The following RASGRF1 variants were observed in gnomAD, a reference collection of about 807,000 sequenced individuals.
RASGRF1 encodes Ras protein specific guanine nucleotide releasing factor 1.
A neutral mutation model predicts 138.7 loss-of-function variants in RASGRF1; 40 were observed. That is an observed-to-expected ratio of 0.29 (90% CI 0.22 to 0.38). RASGRF1 has a LOEUF of 0.38. RASGRF1 is among the 10% of genes least tolerant of loss of function. The pLI, the probability that RASGRF1 is intolerant of heterozygous loss-of-function variation, is 1.00. For missense variants in RASGRF1, 1,108 were observed against 1,650.4 expected (o/e 0.67, Z 5.69); for synonymous variants, 614 against 663.2 (o/e 0.93, Z 1.14).
intron 13 of RASGRF1, among the ~76,000 whole-genome samples, chr15:79,013,601 G>A (rs1271194524): frequency 6.6e-6 from 1 of 152,246 alleles, no homozygotes; most frequent in African/African-American, 2.4e-5. Flanking sequence ...TCTGGCAACA[G>A]CAACATGGCC....
At chr15:79,068,390 G>A (rs2141071636) in intron 1 of RASGRF1, among the ~76,000 whole-genome samples, 1 of 151,798 alleles carries the variant, frequency 6.6e-6, no homozygotes, top group Admixed American at 6.6e-5. Context: ...GGGCAACTAA[G>A]TCTCTTCCTC....
intron 11 of RASGRF1, among the ~76,000 whole-genome samples, chr15:79,018,492 T>C (rs565189735): frequency 1.3e-5 from 2 of 152,374 alleles, no homozygotes; most frequent in African/African-American, 2.4e-5. Flanking sequence ...TTCAAGATTC[T>C]TTTCAATGCA....
intron 1 of RASGRF1, among the ~76,000 whole-genome samples, chr15:79,069,190 T>C (rs2057721961): frequency 6.6e-6 from 1 of 152,204 alleles, no homozygotes; most frequent in Admixed American, 6.5e-5. Flanking sequence ...TGGATGCTGA[T>C]GAATAGCTGA....
chr15:78,969,473 A>G (rs2055707893), intron 26 of RASGRF1, among the ~76,000 whole-genome samples: 1 of 152,168 alleles, frequency 6.6e-6, no homozygotes, highest in African/African-American at 2.4e-5. Context: ...GTTTGAGACC[A>G]GCCTGACCAA....
At chr15:78,988,362 T>C (rs1226612825) in intron 22 of RASGRF1, among the ~76,000 whole-genome samples, 1 of 152,250 alleles carries the variant, frequency 6.6e-6, no homozygotes, top group Non-Finnish European at 1.5e-5. Context: ...AGTGATTTGT[T>C]GCCTGGTGCT....
In RASGRF1 at chr15:78,973,371, C is replaced by A. The variant is rs778796720; in HGVS notation, c.3544G>T (p.Ala1182Ser). Residue 1182 changes from alanine to serine, a missense_variant, in exon 25 of 27, where the codon GCC (alanine) becomes TCC (serine). This residue lies in a region of RASGRF1 where 686 missense variants were observed against 976.7 expected (regional missense o/e 0.70). Transcript: ENST00000558480. This position sits in a 1 kb window ranked among gnomAD's most constrained non-coding sequence, Gnocchi z 4.9. ...PYLGMYLTDLAFIEEGTPNYT... is the reference protein window; with the variant it reads ...PYLGMYLTDLSFIEEGTPNYT... ...TTGGGCGTCCCCTCCTCGATGAAGG[C>A]CAGGTCGGTGAGGTACATCCCCAGG... The A allele has an allele frequency of 6.2e-7, 1 of 1,613,958 alleles. No homozygotes were observed. The highest frequency in any genetic ancestry group is 2.2e-5 in the East Asian group (1 of 44,862).
rs1227562517 is a variant in RASGRF1 at position 78,973,499 on chromosome 15, A to C, written c.3495-79T>G. Reference sequence around the variant, plus strand: ...ACCAAGAACAGAACATCCCGCATGCACCTTTTGCTTTGCTAGAGGCAAAGG... The same window carrying C: ...ACCAAGAACAGAACATCCCGCATGCCCCTTTTGCTTTGCTAGAGGCAAAGG... On this transcript the variant is annotated intron_variant, in intron 24 of 26. Coordinates refer to ENST00000558480, the MANE Select transcript of RASGRF1 (RefSeq NM_001145648.3). The surrounding 1 kb of genome is among the most constrained non-coding windows in gnomAD (Gnocchi z 4.9). The C allele has an allele frequency of 1.8e-5, 20 of 1,093,344 alleles. No homozygotes were observed. Among genetic ancestry groups the C allele is most frequent in the Non-Finnish European group, 2.2e-5 (16 of 733,060 alleles). The allele number at this position is 1,093,344 out of a possible 1,614,324, so 67.7% of individuals were successfully genotyped here.
At chr15:79,043,124 T>C (rs2057317308) in intron 5 of RASGRF1, among the ~76,000 whole-genome samples, 1 of 152,170 alleles carries the variant, frequency 6.6e-6, no homozygotes, top group Non-Finnish European at 1.5e-5. Context: ...AACCACCAGG[T>C]CTTCTCACTT....
At chr15:79,020,223 G>A in intron 10 of RASGRF1, 119 bp from the exon 11 acceptor site, 1 of 890,634 alleles carries the variant, frequency 1.1e-6, no homozygotes, top group Non-Finnish European at 1.8e-6. Context: ...ACACACAGAT[G>A]TATGGATGGA....
At chr15:79,029,776 T>C (rs1433228170) in intron 8 of RASGRF1, among the ~76,000 whole-genome samples, 2 of 152,044 alleles carry the variant, frequency 1.3e-5, no homozygotes, top group Non-Finnish European at 2.9e-5. Flanking sequence ...TCTGTGCCAC[T>C]TGGGCTGGGT....
chr15:78,994,889 C>G (rs2056356255), intron 20 of RASGRF1, among the ~76,000 whole-genome samples: 1 of 151,176 alleles, frequency 6.6e-6, no homozygotes, highest in Admixed American at 6.6e-5. Context: ...TGGGGCCTCC[C>G]CTTGAGGCTT....
At chr15:78,978,809 C>A (rs1053841629) in intron 24 of RASGRF1, 1 of 1,151,098 alleles carries the variant, frequency 8.7e-7, no homozygotes, top group African/African-American at 1.6e-5. Context: ...TCTGTGTGCC[C>A]TGCCTATGTC....
chr15:79,049,395 G>A (rs569304065), intron 4 of RASGRF1, 101 bp downstream of exon 4: 27 of 1,092,758 alleles, frequency 2.5e-5, no homozygotes, highest in African/African-American at 1.4e-4. Context: ...TGGGGGGCAC[G>A]CTCTGAGGAC....
intron 1 of RASGRF1, among the ~76,000 whole-genome samples, chr15:79,072,911 C>G (rs1172649196): frequency 6.6e-6 from 1 of 152,220 alleles, no homozygotes. Flanking sequence ...AGACTCACAA[C>G]ACACGAGCCT....
chr15:79,081,039 C>T (rs1004054262), intron 1 of RASGRF1, among the ~76,000 whole-genome samples: 6 of 152,188 alleles, frequency 3.9e-5, no homozygotes, highest in South Asian at 2.1e-4. Context: ...AAATGCTAAT[C>T]GTGAAAAAGA....
intron 3 of RASGRF1, among the ~76,000 whole-genome samples, chr15:79,053,775 G>A (rs2057467040): frequency 6.6e-6 from 1 of 152,234 alleles, no homozygotes. Context: ...TCATGGATGT[G>A]TGGCCTGCGC....
intron 13 of RASGRF1, among the ~76,000 whole-genome samples, chr15:79,007,064 C>T (rs1029717970): frequency 1.3e-5 from 2 of 152,100 alleles, no homozygotes; most frequent in African/African-American, 4.8e-5. Context: ...TGTAATAGCC[C>T]CAAAGTGGAA....
intron 8 of RASGRF1, 85 bp downstream of exon 8, chr15:79,031,315 T>A: frequency 1.9e-6 from 2 of 1,036,016 alleles, no homozygotes; most frequent in Admixed American, 4.4e-5. Context: ...TCAAGCTTTG[T>A]CAGGGGTTCA....
intron 26 of RASGRF1, 32 bp from the exon 27 acceptor site, chr15:78,962,268 G>A (rs1567408758): frequency 1.4e-6 from 2 of 1,409,088 alleles, no homozygotes; most frequent in African/African-American, 2.9e-5. Context: ...GGGAATGGGA[G>A]GGTTGTGGGA....
Sources: gnomAD v4.1 joint callset for allele counts (sites outside exome capture counted in the v4.1 genomes callset) on GRCh38, gnomAD v4.1.1 for gene constraint, gnomAD v4.1.1 regional missense constraint, Gnocchi (gnomAD v3.1) non-coding constraint, MANE v1.5 for transcripts, NCBI Gene and HGNC (gene_info 2026-07-23, HGNC 2026-07-21) for gene names.